MED12L: variants seen among roughly 807,000 people sequenced by gnomAD.
MED12L encodes the protein mediator of RNA polymerase II transcription subunit 12-like protein.
MED12L carries 60 observed loss-of-function variants against 281.3 expected under a neutral mutation model. The observed-to-expected ratio is 0.21, with a 90% CI of 0.17 to 0.26. MED12L has a LOEUF of 0.26. Ranked by LOEUF, MED12L falls within the 10% of genes least tolerant of loss-of-function variation. The probability of loss-of-function intolerance (pLI) is 1.00; values close to 1 mark genes in which losing one functional copy is unlikely to be tolerated. For missense variants in MED12L, 2,146 were observed against 2,680.9 expected (o/e 0.80, Z 4.41); for synonymous variants, 974 against 987.2 (o/e 0.99, Z 0.25).
chr3:151,334,965 A>G (rs9878459), intron 16 of MED12L, among the ~76,000 whole-genome samples: 133,173 of 152,264 alleles, frequency 0.87, 58,439 homozygotes, highest in African/African-American at 0.95. Context: ...ATTGAAATTC[A>G]AATTTCATAT....
chr3:151,369,421 T>G lies in MED12L; in HGVS notation c.3551-15T>G, dbSNP rs1205213134. 1 of 1,538,656 alleles carries G rather than the reference T, an allele frequency of 6.5e-7. No homozygotes were observed. Among genetic ancestry groups the G allele is most frequent in the South Asian group, 1.2e-5 (1 of 86,262 alleles). ...TGATGGTAATGAGACTATTAAAGAT[T>G]TGTTGTTTTTGTAGGCAAACCTTTC... On this transcript the variant is annotated splice_polypyrimidine_tract_variant and intron_variant, in intron 25 of 44. Coordinates refer to ENST00000687756, the MANE Select transcript of MED12L (RefSeq NM_001393769.1).
chr3:151,242,491 C>A (rs1176347299), intron 16 of MED12L, among the ~76,000 whole-genome samples: 1 of 152,158 alleles, frequency 6.6e-6, no homozygotes, highest in African/African-American at 2.4e-5. Context: ...TGGGAGGCAC[C>A]CCCCAGCAGG....
In MED12L at chr3:151,165,874, G is replaced by T. The variant is rs781311549; in HGVS notation, c.1386G>T (p.Thr462=). Residue 462 remains threonine (T), a synonymous_variant, in exon 11 of 45, where the codon ACG becomes ACT. Coordinates refer to ENST00000687756, the MANE Select transcript of MED12L (RefSeq NM_001393769.1). ...TGACTATTAGTCGGGTTTTGCACAC[G>T]TTGGAAGTTTTGGATCGTCACTGTT... is the stretch of plus-strand genomic sequence containing the variant. ...AGVTISRVLH[T]LEVLDRHCFD... The T allele has an allele frequency of 6.2e-6, 10 of 1,613,994 alleles. No homozygotes were observed. In the South Asian group the frequency reaches 6.6e-5, roughly 11 times the overall value.
intron 5 of MED12L, among the ~76,000 whole-genome samples, chr3:151,136,097 CTT>C (rs1388757698): frequency 1.3e-5 from 2 of 152,272 alleles, no homozygotes; most frequent in East Asian, 3.9e-4. Context: ...AGATGAGAGA[CTT>C]TTCTTGGTTG....
intron 21 of MED12L, among the ~76,000 whole-genome samples, chr3:151,363,495 G>A (rs184690316): frequency 2.4e-4 from 37 of 152,280 alleles, no homozygotes; most frequent in Admixed American, 7.2e-4. Context: ...ACTGCTGTGT[G>A]CCAAGCACTG....
Position 151,085,743 on chromosome 3 carries a change from G to A in MED12L, c.-323G>A, listed in dbSNP as rs1357890379. On this transcript the variant is annotated 5_prime_UTR_variant, in exon 1 of 45. Coordinates refer to ENST00000687756, the MANE Select transcript of MED12L (RefSeq NM_001393769.1). Reference sequence around the variant, plus strand: ...GGGCCGTGGGGGCGAGAACGCCGGCGGCGAGCCGGCGTCGCTCGCCGCCCC... The same window carrying A: ...GGGCCGTGGGGGCGAGAACGCCGGCAGCGAGCCGGCGTCGCTCGCCGCCCC... 1.3e-5 allele frequency: 2 copies of A among 152,018 alleles called. No homozygotes were observed. Among genetic ancestry groups the A allele is most frequent in the Non-Finnish European group, 2.9e-5 (2 of 67,976 alleles). The allele number at this position is 152,018 out of a possible 1,614,324, so 9.4% of individuals were successfully genotyped here.
intron 16 of MED12L, among the ~76,000 whole-genome samples, chr3:151,225,737 A>C (rs551216728): frequency 2.6e-5 from 4 of 152,128 alleles, no homozygotes; most frequent in African/African-American, 7.2e-5. Flanking sequence ...CAGAAGAAGG[A>C]ACTCTCCCAC....
chr3:151,389,173 C>T (rs554689696), intron 37 of MED12L, among the ~76,000 whole-genome samples: 7 of 152,322 alleles, frequency 4.6e-5, no homozygotes, highest in South Asian at 2.1e-4. Flanking sequence ...ATGGTCCAGA[C>T]TGACACTCCC....
intron 16 of MED12L, chr3:151,336,486 T>A (rs1367608264): frequency 1.5e-5 from 7 of 456,270 alleles, no homozygotes; most frequent in Non-Finnish European, 1.3e-5. Flanking sequence ...ACCCTTTTAT[T>A]TCTTCTGGCA....
intron 17 of MED12L, among the ~76,000 whole-genome samples, chr3:151,353,564 GA>G (rs1200246350): frequency 6.6e-6 from 1 of 152,220 alleles, no homozygotes; most frequent in Non-Finnish European, 1.5e-5. Flanking sequence ...TAGGGAATTA[GA>G]AAAGAACCAG....
chr3:151,384,329 T>G, intron 35 of MED12L, 111 bp downstream of exon 35: 1 of 1,118,848 alleles, frequency 8.9e-7, no homozygotes, highest in Non-Finnish European at 1.2e-6. Flanking sequence ...CAACTTAATT[T>G]AATGTGATTA....
chr3:151,204,056 C>T (rs1386967704), intron 16 of MED12L, among the ~76,000 whole-genome samples: 2 of 152,138 alleles, frequency 1.3e-5, no homozygotes, highest in African/African-American at 4.8e-5. Context: ...TTGAAAGAAG[C>T]CTAGCATGCT....
At chr3:151,190,599 A>G in intron 13 of MED12L, 118 bp from the exon 14 acceptor site, 2 of 917,550 alleles carry the variant, frequency 2.2e-6, no homozygotes, top group Middle Eastern at 4.5e-4. Flanking sequence ...CTTCCAATAG[A>G]TCTTTTTTTT....
chr3:151,228,753 A>G (rs1731030013), intron 16 of MED12L, among the ~76,000 whole-genome samples: 1 of 151,894 alleles, frequency 6.6e-6, no homozygotes, highest in Non-Finnish European at 1.5e-5. Flanking sequence ...GCTCTGCATC[A>G]CTCCTGGCTT....
chr3:151,350,624 G>A (rs1047887589), intron 17 of MED12L, among the ~76,000 whole-genome samples: 2 of 151,700 alleles, frequency 1.3e-5, no homozygotes, highest in African/African-American at 4.8e-5. Context: ...TTTTTCTGGG[G>A]CACTCACATT....
intron 16 of MED12L, chr3:151,213,390 T>C: frequency 6.2e-7 from 1 of 1,614,098 alleles, no homozygotes; most frequent in Non-Finnish European, 8.5e-7. Context: ...GAATGTGCAA[T>C]TTCTTACATA....
chr3:151,387,688 T>C (rs1044205370), intron 36 of MED12L, 122 bp from the exon 37 acceptor site: 1 of 1,149,448 alleles, frequency 8.7e-7, no homozygotes, highest in African/African-American at 1.5e-5. Context: ...TCTGCTGTAT[T>C]CTCGGGTTCT....
chr3:151,202,131 G>A (rs967541638), intron 16 of MED12L, among the ~76,000 whole-genome samples: 13 of 152,116 alleles, frequency 8.5e-5, no homozygotes, highest in African/African-American at 3.1e-4. Context: ...GTGAACTTTT[G>A]TCTAAATTGC....
intron 3 of MED12L, among the ~76,000 whole-genome samples, chr3:151,118,731 T>C (rs1713264015): frequency 6.6e-6 from 1 of 151,868 alleles, no homozygotes; most frequent in African/African-American, 2.4e-5. Context: ...TCTTGCTCCG[T>C]CGCCCAGGCT....
Sources: gnomAD v4.1 joint callset for allele counts (sites outside exome capture counted in the v4.1 genomes callset) on GRCh38, gnomAD v4.1.1 for gene constraint, MANE v1.5 for transcripts, NCBI Gene and HGNC (gene_info 2026-07-23, HGNC 2026-07-21) for gene names.